ZBTB20: variants seen among roughly 807,000 people sequenced by gnomAD.
ZBTB20 encodes the protein zinc finger and BTB domain-containing protein 20.
ZBTB20 carries 9 observed loss-of-function variants against 56.9 expected under a neutral mutation model. The ratio of observed to expected loss-of-function variants is 0.16; its 90% CI spans 0.10 to 0.28. ZBTB20 has a LOEUF of 0.28. Ranked by LOEUF, ZBTB20 falls within the 10% of genes least tolerant of loss-of-function variation. ZBTB20 has a pLI of 1.00. For synonymous variants in ZBTB20, 417 were observed against 420.7 expected, an observed-to-expected ratio of 0.99 and a Z score of 0.11; for missense variants, 655 against 1,003.0, an observed-to-expected ratio of 0.65 and a Z score of 4.69.
intron 7 of ZBTB20, among the ~76,000 whole-genome samples, chr3:114,390,001 G>C (rs775499128): frequency 3.3e-5 from 5 of 150,830 alleles, no homozygotes; most frequent in Non-Finnish European, 5.9e-5. Context: ...TCTTATTAAC[G>C]ATAGTCATGA....
At chr3:114,532,815 C>T (rs2048012510) in intron 6 of ZBTB20, among the ~76,000 whole-genome samples, 1 of 152,182 alleles carries the variant, frequency 6.6e-6, no homozygotes, top group East Asian at 1.9e-4. Context: ...GTTTGCTGTT[C>T]TGTAGCCTCT....
chr3:114,393,826 G>T (rs564154583), intron 7 of ZBTB20, among the ~76,000 whole-genome samples: 1 of 152,142 alleles, frequency 6.6e-6, no homozygotes, highest in East Asian at 1.9e-4. Context: ...AACCCAGCTG[G>T]CAAGTTTCTT....
At chr3:114,456,922 G>A (rs2092055014) in intron 7 of ZBTB20, among the ~76,000 whole-genome samples, 1 of 152,246 alleles carries the variant, frequency 6.6e-6, no homozygotes, top group Non-Finnish European at 1.5e-5. Context: ...GCACGTGGGA[G>A]CCCACTCAAA....
At chr3:114,352,642 G>A (rs1576294886) in intron 10 of ZBTB20, among the ~76,000 whole-genome samples, 1 of 152,238 alleles carries the variant, frequency 6.6e-6, no homozygotes, top group East Asian at 1.9e-4. Flanking sequence ...TTTCTAGGGT[G>A]GTTGCATGTG....
At chr3:115,142,539 C>T (rs1278053025) in intron 1 of ZBTB20, among the ~76,000 whole-genome samples, 1 of 151,824 alleles carries the variant, frequency 6.6e-6, no homozygotes, top group East Asian at 1.9e-4. Context: ...CTGTGCGCGC[C>T]TGTAGTCCCA....
chr3:115,065,519 T>A (rs1182521249), intron 2 of ZBTB20, among the ~76,000 whole-genome samples: 1 of 152,176 alleles, frequency 6.6e-6, no homozygotes, highest in Non-Finnish European at 1.5e-5. Flanking sequence ...GATTTATATA[T>A]TTTTTAGTCT....
At chr3:114,827,809 A>T (rs1283753260) in intron 4 of ZBTB20, among the ~76,000 whole-genome samples, 1 of 151,690 alleles carries the variant, frequency 6.6e-6, no homozygotes, top group African/African-American at 2.4e-5. Flanking sequence ...CTTGGACTCC[A>T]TCATGGATCC....
At chr3:114,517,277 T>C (rs2046110674) in intron 6 of ZBTB20, among the ~76,000 whole-genome samples, 5 of 152,232 alleles carry the variant, frequency 3.3e-5, no homozygotes. Flanking sequence ...TTCTCCACCT[T>C]GTATAGTTTA....
At chr3:115,042,746 G>A (rs2081189657) in intron 2 of ZBTB20, among the ~76,000 whole-genome samples, 1 of 152,134 alleles carries the variant, frequency 6.6e-6, no homozygotes, top group Non-Finnish European at 1.5e-5. Context: ...ATTTTACAGT[G>A]AGAGCTAATT....
chr3:114,599,477 C>T (rs116064656), intron 6 of ZBTB20: 1 of 152,030 alleles, frequency 6.6e-6, no homozygotes, highest in African/African-American at 2.4e-5. Context: ...AGGGTATGAA[C>T]CTTCTCTTTC....
chr3:115,104,294 T>C (rs1030189471), intron 1 of ZBTB20, among the ~76,000 whole-genome samples: 1 of 152,216 alleles, frequency 6.6e-6, no homozygotes, highest in Non-Finnish European at 1.5e-5. Flanking sequence ...AGTTTGGCAG[T>C]TTCTTACAAA....
At chr3:114,376,917 T>C (rs781725087) in intron 10 of ZBTB20, among the ~76,000 whole-genome samples, 11 of 152,084 alleles carry the variant, frequency 7.2e-5, no homozygotes, top group Non-Finnish European at 1.3e-4. Context: ...GGAGCCTTAT[T>C]TGGGGGAAAA....
intron 1 of ZBTB20, among the ~76,000 whole-genome samples, chr3:115,112,830 A>G (rs1444361084): frequency 1.3e-5 from 2 of 152,232 alleles, no homozygotes; most frequent in South Asian, 2.1e-4. Context: ...GAGAGATTGC[A>G]ATAGAGAGAT....
intron 6 of ZBTB20, among the ~76,000 whole-genome samples, chr3:114,656,305 T>C (rs529073123): frequency 6.6e-6 from 1 of 152,370 alleles, no homozygotes; most frequent in East Asian, 1.9e-4. Flanking sequence ...CAGCAAATTT[T>C]GGACATTTTC....
intron 4 of ZBTB20, among the ~76,000 whole-genome samples, chr3:114,830,866 T>C (rs1163723825): frequency 2.0e-5 from 3 of 151,794 alleles, no homozygotes; most frequent in African/African-American, 7.3e-5. Context: ...AGTGCAGCAA[T>C]CCTGTCTGTA....
chr3:114,573,880 T>C (rs1391097018), intron 6 of ZBTB20, among the ~76,000 whole-genome samples: 3 of 152,154 alleles, frequency 2.0e-5, no homozygotes, highest in Non-Finnish European at 4.4e-5. Flanking sequence ...AGAGTATTTT[T>C]CAAGCATTAA....
At chr3:115,042,720 T>TA (rs1485895917) in intron 2 of ZBTB20, among the ~76,000 whole-genome samples, 1 of 152,206 alleles carries the variant, frequency 6.6e-6, no homozygotes, top group Non-Finnish European at 1.5e-5. Flanking sequence ...CTTTTTGGAT[T>TA]AAAAACTAAA....
At chr3:114,930,777 G>T in intron 3 of ZBTB20, 1 of 289,250 alleles carries the variant, frequency 3.5e-6, no homozygotes, top group South Asian at 4.3e-5. Context: ...ATACCATACA[G>T]AAGAGTAACC....
chr3:114,904,285 A>G (rs1286827610), intron 3 of ZBTB20: 1 of 152,016 alleles, frequency 6.6e-6, no homozygotes, highest in Non-Finnish European at 1.5e-5. Context: ...CCATTAATAA[A>G]TCTACTTGCT....
Sources: allele counts gnomAD v4.1 joint callset (sites outside exome capture counted in the v4.1 genomes callset), GRCh38; gene constraint gnomAD v4.1.1; transcripts MANE v1.5; gene names NCBI Gene and HGNC (gene_info 2026-07-23, HGNC 2026-07-21).